Variants in SLC38A12 observed in about 807,000 individuals in gnomAD.
SLC38A12 encodes the protein putative sodium-coupled neutral amino acid transporter 12.
chr17:74,834,917 GAC>G, the SLC38A12 span, among the ~76,000 whole-genome samples: 10 of 152,236 alleles, frequency 6.6e-5, no homozygotes, highest in Admixed American at 2.6e-4. Flanking sequence ...AGAAGCGGGA[GAC>G]ACAGAAAGAT....
the SLC38A12 span, among the ~76,000 whole-genome samples, chr17:74,811,535 A>G: frequency 6.6e-6 from 1 of 151,842 alleles, no homozygotes; most frequent in Non-Finnish European, 1.5e-5. Context: ...AGCCTGGCCA[A>G]CATGGTGAAA....
chr17:74,796,459 C>A, the SLC38A12 span, among the ~76,000 whole-genome samples: 1 of 152,186 alleles, frequency 6.6e-6, no homozygotes, highest in East Asian at 1.9e-4. Flanking sequence ...GAGCTGGCCT[C>A]CCGGCTTCAT....
chr17:74,830,030 G>T, the SLC38A12 span, among the ~76,000 whole-genome samples: 1 of 152,158 alleles, frequency 6.6e-6, no homozygotes, highest in African/African-American at 2.4e-5. Flanking sequence ...GCTCGCTACT[G>T]ACCACTCTGA....
chr17:74,798,711 G>T, the SLC38A12 span, among the ~76,000 whole-genome samples: 1 of 152,190 alleles, frequency 6.6e-6, no homozygotes, highest in Non-Finnish European at 1.5e-5. Context: ...ATCAGGATCT[G>T]CTATCAGCTG....
the SLC38A12 span, among the ~76,000 whole-genome samples, chr17:74,792,176 C>A: frequency 6.6e-6 from 1 of 151,120 alleles, no homozygotes; most frequent in East Asian, 2.0e-4. Flanking sequence ...AATGGCCAGG[C>A]ATGGTGGCTT....
chr17:74,790,681 C>T, the SLC38A12 span, among the ~76,000 whole-genome samples: 1 of 152,030 alleles, frequency 6.6e-6, no homozygotes, highest in East Asian at 1.9e-4. Context: ...TCATACATGC[C>T]CCTGCCTTGC....
the SLC38A12 span, among the ~76,000 whole-genome samples, chr17:74,825,573 C>T: frequency 6.6e-6 from 1 of 152,212 alleles, no homozygotes; most frequent in Non-Finnish European, 1.5e-5. Flanking sequence ...AAGGGTGTTG[C>T]CCTTGCAGCC....
the SLC38A12 span, among the ~76,000 whole-genome samples, chr17:74,801,925 C>G: frequency 6.6e-6 from 1 of 152,140 alleles, no homozygotes; most frequent in African/African-American, 2.4e-5. Context: ...GTCACTCACT[C>G]CCACACTGCA....
chr17:74,828,463 A>C, the SLC38A12 span, among the ~76,000 whole-genome samples: 2 of 152,252 alleles, frequency 1.3e-5, no homozygotes. Flanking sequence ...TAGTGGATGC[A>C]TGTCCTCATA....
chr17:74,798,837 G>T, the SLC38A12 span, among the ~76,000 whole-genome samples: 6 of 151,956 alleles, frequency 3.9e-5, no homozygotes, highest in African/African-American at 1.5e-4. Context: ...TCCAGGCTAG[G>T]GAACATCTCA....
At chr17:74,813,794 C>G in the SLC38A12 span, among the ~76,000 whole-genome samples, 2 of 152,200 alleles carry the variant, frequency 1.3e-5, no homozygotes, top group Admixed American at 6.5e-5. Flanking sequence ...AGCCACCATG[C>G]CTGGCCTCCT....
At chr17:74,783,891 G>A in the SLC38A12 span, among the ~76,000 whole-genome samples, 3 of 151,592 alleles carry the variant, frequency 2.0e-5, no homozygotes, top group Non-Finnish European at 4.4e-5. Context: ...CCACCCCCCA[G>A]CTAATTTTTG....
chr17:74,778,296 G>A, the SLC38A12 span, among the ~76,000 whole-genome samples: 1 of 152,232 alleles, frequency 6.6e-6, no homozygotes, highest in African/African-American at 2.4e-5. Context: ...TAAGTAGCCA[G>A]AGGGTTGGAA....
the SLC38A12 span, among the ~76,000 whole-genome samples, chr17:74,814,259 G>A: frequency 2.7e-5 from 4 of 149,224 alleles, no homozygotes; most frequent in South Asian, 2.3e-4. Context: ...CCCCCTTCCT[G>A]TGGGGATCTT....
the SLC38A12 span, among the ~76,000 whole-genome samples, chr17:74,802,724 A>C: frequency 7.2e-5 from 11 of 152,344 alleles, no homozygotes; most frequent in African/African-American, 2.6e-4. Flanking sequence ...GGATCGTGTC[A>C]GTGCTCAAAA....
chr17:74,815,434 G>A, the SLC38A12 span, among the ~76,000 whole-genome samples: 3 of 152,338 alleles, frequency 2.0e-5, no homozygotes, highest in South Asian at 4.1e-4. Context: ...TTGGCACCAA[G>A]TTTAAAATTT....
chr17:74,822,583 C>A, the SLC38A12 span, among the ~76,000 whole-genome samples: 2 of 152,216 alleles, frequency 1.3e-5, no homozygotes, highest in African/African-American at 2.4e-5. Flanking sequence ...GCCTCTCAGG[C>A]GAACCTTTTC....
chr17:74,808,295 T>C, the SLC38A12 span, among the ~76,000 whole-genome samples: 1 of 152,232 alleles, frequency 6.6e-6, no homozygotes, highest in Non-Finnish European at 1.5e-5. Flanking sequence ...TTGAGTGCTC[T>C]AAAGAGGAAC....
chr17:74,836,829 G>C, the SLC38A12 span: 3 of 1,408,240 alleles, frequency 2.1e-6, no homozygotes, highest in Non-Finnish European at 2.8e-6. The surrounding 1 kb of genome is among the most constrained non-coding windows in gnomAD (Gnocchi z 4.2). Context: ...TGTCCAGCTG[G>C]GGTTGTTCTC....
Sources: allele counts gnomAD v4.1 joint callset (sites outside exome capture counted in the v4.1 genomes callset), GRCh38; gene constraint gnomAD v4.1.1; non-coding constraint Gnocchi (gnomAD v3.1); transcripts MANE v1.5; gene names NCBI Gene and HGNC (gene_info 2026-07-23, HGNC 2026-07-21).